The following MSRA variants were observed in gnomAD, a reference collection of about 807,000 sequenced individuals.
MSRA encodes methionine sulfoxide reductase A, also known as mitochondrial peptide methionine sulfoxide reductase.
In MSRA, 54 loss-of-function variants were observed where a neutral mutation model predicts 31.3. The observed-to-expected ratio is 1.73, with a 90% CI of 1.39 to 2.17. The LOEUF (loss-of-function observed/expected upper bound fraction) is 2.17, where lower values mean the gene tolerates loss of function less well. MSRA is among the 30% of genes most tolerant of loss of function. The pLI, the probability that MSRA is intolerant of heterozygous loss-of-function variation, is 0.00. For synonymous variants in MSRA, 169 were observed against 116.5 expected, an observed-to-expected ratio of 1.45 and a Z score of -2.90; for missense variants, 507 against 300.9, an observed-to-expected ratio of 1.69 and a Z score of -5.07.
chr8:10,102,449 T>C (rs1799594558), intron 1 of MSRA, among the ~76,000 whole-genome samples: 1 of 151,786 alleles, frequency 6.6e-6, no homozygotes, highest in Non-Finnish European at 1.5e-5. Flanking sequence ...TAATTTCGGT[T>C]ATTTTATCTG....
chr8:10,358,565 CTTTTTTTTTTTTTTTTTTTTTTTTTTTTT>C (rs59106668), intron 5 of MSRA, among the ~76,000 whole-genome samples: 55 of 64,004 alleles, frequency 8.6e-4, no homozygotes, highest in African/African-American at 3.0e-3. Flanking sequence ...GCATTAGATT[CTTTTTTTTTTTTTTTTTTTTTTTTTTTTT>C]TTTTTTTTTT....
At chr8:10,073,514 T>G (rs549463839) in intron 1 of MSRA, among the ~76,000 whole-genome samples, 1 of 152,216 alleles carries the variant, frequency 6.6e-6, no homozygotes, top group South Asian at 2.1e-4. Flanking sequence ...TTGCTGAATC[T>G]TACTATAGTT....
chr8:10,345,294 C>G (rs771557319), intron 5 of MSRA, among the ~76,000 whole-genome samples: 16 of 152,202 alleles, frequency 1.1e-4, no homozygotes, highest in Non-Finnish European at 1.9e-4. Flanking sequence ...CCCACCTTAG[C>G]CTCAGTTTCC....
chr8:10,358,539 T>TGTCA (rs1294566189), intron 5 of MSRA, among the ~76,000 whole-genome samples: 1 of 137,710 alleles, frequency 7.3e-6, no homozygotes, highest in Non-Finnish European at 1.5e-5. Context: ...CTCCGCCTCC[T>TGTCA]GTCAGATCAG....
intron 5 of MSRA, chr8:10,337,565 C>T (rs758407287): frequency 4.8e-6 from 3 of 627,008 alleles, no homozygotes; most frequent in Non-Finnish European, 8.6e-6. Context: ...ATACATCAAT[C>T]CATGTTCAAG....
At chr8:10,069,491 C>T (rs564184343) in intron 1 of MSRA, among the ~76,000 whole-genome samples, 9 of 152,192 alleles carry the variant, frequency 5.9e-5, no homozygotes, top group African/African-American at 1.4e-4. Context: ...CTCACAGCTC[C>T]GGAGGCTGGC....
intron 5 of MSRA, among the ~76,000 whole-genome samples, chr8:10,323,223 C>A (rs1294271835): frequency 6.6e-6 from 1 of 152,030 alleles, no homozygotes; most frequent in Non-Finnish European, 1.5e-5. Context: ...CAACCCCAAC[C>A]AAGAACTTAA....
Position 10,218,254 on chromosome 8 carries a change from C to T in MSRA, c.211+10353C>T, listed in dbSNP as rs181288121. 2.2e-3 allele frequency among the ~76,000 whole-genome samples: 327 copies of T among 152,024 alleles called. 2 individuals are homozygous for T. Among genetic ancestry groups the T allele is most frequent in the African/African-American group, 7.5e-3 (311 of 41,440 alleles). ...CTCTGCCTCCCAGGTTCAAGCGATT[C>T]TTTTCCTCAGCCTCCTGAGTAGCTG... On this transcript the variant is annotated intron_variant, in intron 2 of 5. Coordinates refer to ENST00000317173, the MANE Select transcript of MSRA (RefSeq NM_012331.5).
At chr8:10,315,342 CAG>C (rs1288126458) in intron 4 of MSRA, among the ~76,000 whole-genome samples, 1 of 152,126 alleles carries the variant, frequency 6.6e-6, no homozygotes, top group Non-Finnish European at 1.5e-5. Context: ...GTGGTACAAC[CAG>C]AGAGAGGGAA....
At chr8:10,118,761 G>C (rs939113799) in intron 1 of MSRA, among the ~76,000 whole-genome samples, 2 of 152,256 alleles carry the variant, frequency 1.3e-5, no homozygotes, top group South Asian at 4.1e-4. Flanking sequence ...CTCAAAACCA[G>C]CTCCTCTGTT....
chr8:10,101,748 A>G (rs766192090), intron 1 of MSRA, among the ~76,000 whole-genome samples: 3 of 152,144 alleles, frequency 2.0e-5, no homozygotes, highest in Non-Finnish European at 2.9e-5. Context: ...ATAATACTCT[A>G]TTGTATGGAC....
At chr8:10,340,444 C>T (rs1036580969) in intron 5 of MSRA, among the ~76,000 whole-genome samples, 1 of 152,248 alleles carries the variant, frequency 6.6e-6, no homozygotes, top group Admixed American at 6.5e-5. Context: ...GTGATCTTGG[C>T]TCACTGCAAC....
At position 10,310,474 on chromosome 8, in the gene MSRA, AC is replaced by A. The variant is rs543892345; in HGVS notation, c.436+8837del. Among the ~76,000 whole-genome samples the A allele has an allele frequency of 6.6e-5, 10 of 152,300 alleles. No individual in the cohort carries two copies. In the South Asian group the frequency reaches 2.1e-3, roughly 32 times the overall value. ...CTTTTAAATCCTTCTGTCATATAAT[AC>A]TATAAAGCTTCTATTTAACATTTTT... On this transcript the variant is annotated intron_variant, in intron 4 of 5. Transcript: ENST00000317173.
intron 1 of MSRA, among the ~76,000 whole-genome samples, chr8:10,132,301 G>C (rs6601417): frequency 0.25 from 37,547 of 152,114 alleles, 4,892 homozygotes; most frequent in East Asian, 0.38. Flanking sequence ...CTGCAGCTCT[G>C]CCTGGCCACT....
At chr8:10,192,500 A>G (rs1288440208) in intron 1 of MSRA, among the ~76,000 whole-genome samples, 3 of 152,218 alleles carry the variant, frequency 2.0e-5, no homozygotes, top group African/African-American at 7.2e-5. Context: ...CACTTAACTT[A>G]AAGTGTACCT....
chr8:10,080,754 G>C (rs1425071655), intron 1 of MSRA, among the ~76,000 whole-genome samples: 1 of 149,300 alleles, frequency 6.7e-6, no homozygotes, highest in Non-Finnish European at 1.5e-5. Flanking sequence ...GCCGAGGCTA[G>C]TCTTGAGTTC....
intron 1 of MSRA, among the ~76,000 whole-genome samples, chr8:10,128,988 A>C (rs1047621307): frequency 5.3e-5 from 8 of 152,142 alleles, no homozygotes; most frequent in Non-Finnish European, 1.0e-4. Context: ...ACGCTATATA[A>C]TATGCTTTCT....
At chr8:10,351,573 A>G (rs1157248620) in intron 5 of MSRA, among the ~76,000 whole-genome samples, 1 of 152,170 alleles carries the variant, frequency 6.6e-6, no homozygotes, top group African/African-American at 2.4e-5. Flanking sequence ...ATATTTGCAT[A>G]GATTATCTCT....
rs368138066 is a variant in MSRA at position 10,206,570 on chromosome 8, T to G, written c.143-1263T>G. Reference sequence around the variant, plus strand: ...GTCTAAGAGATTTACTTGCCATTGCTTCTCAAAATAGCACCTCCACTGCAC... The same window carrying G: ...GTCTAAGAGATTTACTTGCCATTGCGTCTCAAAATAGCACCTCCACTGCAC... On this transcript the variant is annotated intron_variant, in intron 1 of 5. Transcript: ENST00000317173. Among the ~76,000 whole-genome samples, 5 of 152,342 alleles carry G rather than the reference T, an allele frequency of 3.3e-5. No homozygotes were observed. In the East Asian group the frequency reaches 7.7e-4, roughly 24 times the overall value.
Sources: gnomAD v4.1 joint callset for allele counts (sites outside exome capture counted in the v4.1 genomes callset) on GRCh38, gnomAD v4.1.1 for gene constraint, MANE v1.5 for transcripts, NCBI Gene and HGNC (gene_info 2026-07-23, HGNC 2026-07-21) for gene names.